The following KLF8 variants were observed in gnomAD, a reference collection of about 807,000 sequenced individuals.
The protein encoded by KLF8 is Krueppel-like factor 8.
In KLF8, 10 loss-of-function variants were observed where a neutral mutation model predicts 18.2. That is an observed-to-expected ratio of 0.55 (90% CI 0.34 to 0.93). The LOEUF is 0.93. KLF8 is among the 40% of genes least tolerant of loss of function. The pLI is 0.02. For synonymous variants in KLF8, 109 were observed against 97.3 expected, an observed-to-expected ratio of 1.12 and a Z score of -0.71; for missense variants, 264 against 277.9, an observed-to-expected ratio of 0.95 and a Z score of 0.36.
the KLF8 span, among the ~76,000 whole-genome samples, chrX:55,940,686 G>T: frequency 3.8e-3 from 424 of 111,681 alleles, no homozygotes; most frequent in African/African-American, 0.013. Context: ...AAAGTCTCAG[G>T]ATACAAAATC....
In KLF8 at chrX:56,284,464, C is replaced by T. The variant is rs755823986; in HGVS notation, c.1050C>T (p.Ser350=). The T allele has an allele frequency of 3.5e-5, 42 of 1,199,270 alleles. No individual in the cohort carries two copies. Among genetic ancestry groups the T allele is most frequent in the Non-Finnish European group, 4.3e-5 (38 of 890,503 alleles). The change falls in exon 6 of 6, where the codon TCC becomes TCT. Residue 350 remains serine (S), a synonymous_variant. Coordinates refer to ENST00000468660, the MANE Select transcript of KLF8 (RefSeq NM_007250.5). ...GCTTTTCTCGTTCTGACCACCTGTC[C>T]CTGCATCGCCGTCGCCATGACACCA... ...NRSFSRSDHL[S]LHRRRHDTM
the KLF8 span, among the ~76,000 whole-genome samples, chrX:56,146,056 G>A: frequency 2.7e-5 from 3 of 112,020 alleles, no homozygotes; most frequent in African/African-American, 9.7e-5. Flanking sequence ...AAAAAGTCAG[G>A]AAACAACAGA....
chrX:56,234,786 C>T (rs1193927623), intron 1 of KLF8, among the ~76,000 whole-genome samples: 2 of 112,141 alleles, frequency 1.8e-5, no homozygotes, highest in East Asian at 5.6e-4. Flanking sequence ...ATGGGGAAGC[C>T]CTTGAGAGTT....
chrX:55,961,462 A>G, the KLF8 span: 7 of 547,498 alleles, frequency 1.3e-5, no homozygotes, highest in Non-Finnish European at 2.4e-5. Context: ...AGAGGCCCAG[A>G]TTGCCACAAA....
chrX:56,278,299 C>A (rs1363755409), intron 5 of KLF8, among the ~76,000 whole-genome samples: 1 of 111,319 alleles, frequency 9.0e-6, no homozygotes, highest in Non-Finnish European at 1.9e-5. Flanking sequence ...TCATCCTAGG[C>A]CCATGGTGTA....
the KLF8 span, among the ~76,000 whole-genome samples, chrX:56,022,201 ACTCT>A: frequency 9.0e-6 from 1 of 111,082 alleles, no homozygotes; most frequent in Non-Finnish European, 1.9e-5. Context: ...TGTTTTCAGA[ACTCT>A]AGAAATTAAC....
chrX:55,990,712 T>C, the KLF8 span, among the ~76,000 whole-genome samples: 1 of 112,283 alleles, frequency 8.9e-6, no homozygotes, highest in African/African-American at 3.2e-5. Context: ...TAGTTTTCCT[T>C]CTAACAGTCA....
chrX:55,923,329 T>C, the KLF8 span, among the ~76,000 whole-genome samples: 3 of 101,501 alleles, frequency 3.0e-5, no homozygotes, highest in Non-Finnish European at 6.0e-5. Context: ...CACTAAGGGC[T>C]GTCAGAAGGT....
the KLF8 span, among the ~76,000 whole-genome samples, chrX:55,984,975 C>CTT: frequency 1.3e-3 from 131 of 102,413 alleles, 6 homozygotes; most frequent in South Asian, 0.043. Context: ...GGATTGTTTG[C>CTT]TTTTTTTTTT....
chrX:56,092,386 T>C, the KLF8 span, among the ~76,000 whole-genome samples: 23,066 of 111,006 alleles, frequency 0.21, 4,905 homozygotes, highest in African/African-American at 0.65. Context: ...TAGACCAATG[T>C]CCAGGACAGT....
chrX:56,154,493 T>G, the KLF8 span, among the ~76,000 whole-genome samples: 2 of 111,668 alleles, frequency 1.8e-5, no homozygotes, highest in East Asian at 2.8e-4. Context: ...CCTAAAACCA[T>G]AAAAACCCTT....
At chrX:55,960,571 AAGG>A in the KLF8 span, among the ~76,000 whole-genome samples, 513 of 55,788 alleles carry the variant, frequency 9.2e-3, 2 homozygotes, top group African/African-American at 0.019. Context: ...AGGAAAGAAG[AAGG>A]AGGAGGAGGA....
the KLF8 span, among the ~76,000 whole-genome samples, chrX:55,952,826 A>T: frequency 2.7e-5 from 3 of 111,826 alleles, no homozygotes; most frequent in Non-Finnish European, 5.6e-5. Context: ...ATACCTAAAG[A>T]TTATTTATTG....
chrX:55,914,479 G>C, the KLF8 span, among the ~76,000 whole-genome samples: 1 of 112,086 alleles, frequency 8.9e-6, no homozygotes, highest in Admixed American at 9.5e-5. Flanking sequence ...TCACTTTTTA[G>C]ATAAGGACAC....
the KLF8 span, among the ~76,000 whole-genome samples, chrX:56,131,224 TAAG>T: frequency 8.9e-6 from 1 of 111,757 alleles, no homozygotes; most frequent in Non-Finnish European, 1.9e-5. Context: ...AAAAGAATCT[TAAG>T]AGCTGTAAGG....
At chrX:56,106,872 T>C in the KLF8 span, among the ~76,000 whole-genome samples, 1 of 112,403 alleles carries the variant, frequency 8.9e-6, no homozygotes, top group Non-Finnish European at 1.9e-5. Flanking sequence ...TGGTCTTTGA[T>C]ATTGGTGACC....
At chrX:56,174,414 G>T in the KLF8 span, among the ~76,000 whole-genome samples, 1 of 111,938 alleles carries the variant, frequency 8.9e-6, no homozygotes, top group Non-Finnish European at 1.9e-5. Flanking sequence ...ATTTTCGTAT[G>T]TTGAACCAGC....
chrX:56,161,292 A>T, the KLF8 span, among the ~76,000 whole-genome samples: 1 of 111,247 alleles, frequency 9.0e-6, no homozygotes, highest in Non-Finnish European at 1.9e-5. Flanking sequence ...TTTGTGGGTA[A>T]CCCGACCTTT....
At chrX:55,968,899 A>C in the KLF8 span, among the ~76,000 whole-genome samples, 60 of 112,062 alleles carry the variant, frequency 5.4e-4, no homozygotes, top group Middle Eastern at 9.3e-3. Context: ...ATTCAGCAGG[A>C]GGTTATAACA....
Sources: gnomAD v4.1 joint callset for allele counts (sites outside exome capture counted in the v4.1 genomes callset) on GRCh38, gnomAD v4.1.1 for gene constraint, MANE v1.5 for transcripts, NCBI Gene and HGNC (gene_info 2026-07-23, HGNC 2026-07-21) for gene names.